Variants in DHRS3 observed in about 807,000 individuals in gnomAD.
The protein encoded by DHRS3 is dehydrogenase/reductase 3.
DHRS3 carries 14 observed loss-of-function variants against 27.2 expected under a neutral mutation model. The observed-to-expected ratio is 0.52, with a 90% confidence interval of 0.34 to 0.81. DHRS3 has a LOEUF of 0.81. Among genes scored for constraint, DHRS3 ranks in the 30% least tolerant of loss-of-function variants. The pLI is 0.01. For synonymous variants in DHRS3, 165 were observed against 175.9 expected (o/e 0.94, Z 0.49); for missense variants, 322 against 406.2 (o/e 0.79, Z 1.78).
At chr1:12,603,149 C>T (rs545146215) in intron 1 of DHRS3, among the ~76,000 whole-genome samples, 1 of 152,304 alleles carries the variant, frequency 6.6e-6, no homozygotes, top group Admixed American at 6.5e-5. Context: ...AGGAGGGGTT[C>T]CACACATCTG....
At chr1:12,615,845 G>T (rs533906881) in intron 1 of DHRS3, among the ~76,000 whole-genome samples, 332 of 152,276 alleles carry the variant, frequency 2.2e-3, no homozygotes, top group African/African-American at 7.6e-3. Context: ...GGTTAAAAAC[G>T]CTTCCCAACT....
intron 1 of DHRS3, among the ~76,000 whole-genome samples, 191 bp downstream of exon 1, chr1:12,616,963 G>A (rs1363804480): frequency 6.6e-6 from 1 of 152,200 alleles, no homozygotes; most frequent in Non-Finnish European, 1.5e-5. Flanking sequence ...CTCTGAACCT[G>A]CCAAAAAAGA....
intron 2 of DHRS3, 151 bp downstream of exon 2, chr1:12,580,372 C>A: frequency 2.0e-6 from 2 of 984,882 alleles, no homozygotes; most frequent in Non-Finnish European, 3.1e-6. Flanking sequence ...GTAACTGGGG[C>A]CAGCTTCATG....
intron 5 of DHRS3, among the ~76,000 whole-genome samples, chr1:12,569,002 C>G (rs1268854904): frequency 6.6e-6 from 1 of 152,038 alleles, no homozygotes; most frequent in Non-Finnish European, 1.5e-5. Flanking sequence ...GTGGGTGGAT[C>G]ACCTCAGGAG....
Position 12,591,375 on chromosome 1 carries a change from CCT to C in DHRS3, c.196-10711_196-10710del, listed in dbSNP as rs1342345955. On this transcript the variant is annotated intron_variant, in intron 1 of 5. Coordinates refer to ENST00000616661, the MANE Select transcript of DHRS3 (RefSeq NM_004753.7). This position sits in a 1 kb window ranked among gnomAD's most constrained non-coding sequence, Gnocchi z 4.1. The stretch of plus-strand genomic sequence containing the variant: ...AACAGGCTTTCCCTGGCTCCAGGCC[CCT>C]GTTTTGGCCTGCCGAGAATGTTTTG... Among the ~76,000 whole-genome samples, 2 of 152,226 alleles carry C rather than the reference CCT, an allele frequency of 1.3e-5. No individual in the cohort carries two copies. Among genetic ancestry groups the C allele is most frequent in the Admixed American group, 1.3e-4 (2 of 15,292 alleles).
chr1:12,579,466 G>C (rs576876648), intron 2 of DHRS3, 54 bp from the exon 3 acceptor site: 2 of 1,590,508 alleles, frequency 1.3e-6, no homozygotes, highest in African/African-American at 1.3e-5. Flanking sequence ...CAGGGCCAAC[G>C]ATATATGTTT....
chr1:12,592,850 T>C lies in DHRS3; in HGVS notation c.196-12184A>G, dbSNP rs1463186140. ...CAAGCTCTTTTTAACCTCCGAAGGC[T>C]CTTCACTGTCCCACATTAAGTGTTT... On this transcript the variant is annotated intron_variant, in intron 1 of 5. Coordinates refer to ENST00000616661, the MANE Select transcript of DHRS3 (RefSeq NM_004753.7). This position sits in a 1 kb window ranked among gnomAD's most constrained non-coding sequence, Gnocchi z 4.2. Among the ~76,000 whole-genome samples, 1 of 152,208 alleles carries C rather than the reference T, an allele frequency of 6.6e-6. No homozygotes were observed. The highest frequency in any genetic ancestry group is 1.5e-5 in the Non-Finnish European group (1 of 68,032).
chr1:12,574,861 CCAGT>C lies in DHRS3; in HGVS notation c.699-2012_699-2009del, dbSNP rs1211508116. Among the ~76,000 whole-genome samples, 6 of 152,312 alleles carry C rather than the reference CCAGT, an allele frequency of 3.9e-5. No individual in the cohort carries two copies. Among genetic ancestry groups the C allele is most frequent in the Non-Finnish European group, 7.4e-5 (5 of 68,012 alleles). On this transcript the variant is annotated intron_variant, in intron 4 of 5. Transcript: ENST00000616661. The surrounding 1 kb of genome is among the most constrained non-coding windows in gnomAD (Gnocchi z 4.6). Reference sequence around the variant, plus strand: ...TCGTGGAAGAAGCATGCTTAGCTAGCCAGTTTCAAGCTATGTGGACTTGGGCAGG... The same window carrying C: ...TCGTGGAAGAAGCATGCTTAGCTAGCTTCAAGCTATGTGGACTTGGGCAGG...
intron 1 of DHRS3, among the ~76,000 whole-genome samples, chr1:12,609,256 G>C (rs994858979): frequency 1.3e-5 from 2 of 152,122 alleles, no homozygotes; most frequent in Non-Finnish European, 2.9e-5. Context: ...CCAAGGCCTA[G>C]TTTGCTGAAT....
chr1:12,571,443 A>G (rs926212063), intron 5 of DHRS3, among the ~76,000 whole-genome samples: 2 of 152,060 alleles, frequency 1.3e-5, no homozygotes, highest in African/African-American at 4.8e-5. Flanking sequence ...GCTATGTCCA[A>G]TAGGCTGTAG....
intron 1 of DHRS3, among the ~76,000 whole-genome samples, chr1:12,601,820 T>A (rs1646837694): frequency 6.6e-6 from 1 of 152,202 alleles, no homozygotes; most frequent in Admixed American, 6.5e-5. Context: ...AAGAAGAAGA[T>A]GATAACGGTA....
chr1:12,596,060 C>G (rs1383495767), intron 1 of DHRS3: 1 of 152,440 alleles, frequency 6.6e-6, no homozygotes, highest in Non-Finnish European at 1.5e-5. Context: ...ACGAGCCACA[C>G]GCGCTCCTCC....
In DHRS3 at chr1:12,618,031, T is replaced by A. The variant is rs1044651404; in HGVS notation, c.-683A>T. ...GGGTCCGGGTGTCAGTTTCTTTACG[T>A]GCAGCGCTCGCCCTCGCGCGCGCTC... is the stretch of plus-strand genomic sequence containing the variant. On this transcript the variant is annotated 5_prime_UTR_variant, in exon 1 of 6. Coordinates refer to ENST00000616661, the MANE Select transcript of DHRS3 (RefSeq NM_004753.7). This position sits in a 1 kb window ranked among gnomAD's most constrained non-coding sequence, Gnocchi z 4.2. Among the ~76,000 whole-genome samples, 1 of 151,928 alleles carries A rather than the reference T, an allele frequency of 6.6e-6. No individual in the cohort carries two copies. The highest frequency in any genetic ancestry group is 1.5e-5 in the Non-Finnish European group (1 of 67,974).
intron 1 of DHRS3, among the ~76,000 whole-genome samples, chr1:12,590,137 G>T (rs796661707): frequency 6.6e-6 from 1 of 152,068 alleles, no homozygotes; most frequent in Non-Finnish European, 1.5e-5. Flanking sequence ...GCTGCGGGGG[G>T]ATTTCTTAGG....
At chr1:12,580,501 T>C (rs1329478241) in intron 2 of DHRS3, 22 bp downstream of exon 2, 5 of 1,614,134 alleles carry the variant, frequency 3.1e-6, no homozygotes, top group Non-Finnish European at 4.2e-6. Context: ...GTGCTAGGAA[T>C]AGACCCTCCC....
At chr1:12,616,191 C>T (rs138406293) in intron 1 of DHRS3, among the ~76,000 whole-genome samples, 1 of 152,206 alleles carries the variant, frequency 6.6e-6, no homozygotes. Context: ...CCTTTCACCC[C>T]CCTAGTTCAC....
In DHRS3 at chr1:12,578,176, C is replaced by T. The variant is rs527275327; in HGVS notation, c.698+542G>A. 1.1e-4 allele frequency among the ~76,000 whole-genome samples: 16 copies of T among 152,328 alleles called. No homozygotes were observed. The highest frequency in any genetic ancestry group is 8.3e-4 in the South Asian group (4 of 4,824). On this transcript the variant is annotated intron_variant, in intron 4 of 5. Transcript: ENST00000616661. The surrounding 1 kb of genome is among the most constrained non-coding windows in gnomAD (Gnocchi z 4.5). ...CCTCATTTGACCTTTAGACACATCC[C>T]GCTGCATGCCTGTAGCTCTGGTAGT...
intron 4 of DHRS3, among the ~76,000 whole-genome samples, chr1:12,575,064 T>C (rs1013736187): frequency 6.6e-6 from 1 of 152,120 alleles, no homozygotes; most frequent in Non-Finnish European, 1.5e-5. Flanking sequence ...TGGTGGCTCA[T>C]GCCTGTAACC....
chr1:12,596,441 G>A (rs1234550334), intron 1 of DHRS3: 1 of 152,250 alleles, frequency 6.6e-6, no homozygotes, highest in East Asian at 1.9e-4. Flanking sequence ...GCAAAGCCTG[G>A]TTGGGGGGTT....
Sources: gnomAD v4.1 joint callset for allele counts (sites outside exome capture counted in the v4.1 genomes callset) on GRCh38, gnomAD v4.1.1 for gene constraint, Gnocchi (gnomAD v3.1) non-coding constraint, MANE v1.5 for transcripts, NCBI Gene and HGNC (gene_info 2026-07-23, HGNC 2026-07-21) for gene names.